The following NAV3 variants were observed in gnomAD, a reference collection of about 807,000 sequenced individuals.
NAV3 encodes neuron navigator 3, also known as pore membrane and/or filament interacting like protein 1.
Under a neutral mutation model 244.7 loss-of-function variants are expected in NAV3, and 87 were observed. The ratio of observed to expected loss-of-function variants is 0.36; its 90% CI spans 0.30 to 0.42. The LOEUF is 0.42. Ranked by LOEUF, NAV3 falls within the 20% of genes least tolerant of loss-of-function variation. The pLI, the probability that NAV3 is intolerant of heterozygous loss-of-function variation, is 1.00. For missense variants in NAV3, 2,663 were observed against 2,893.3 expected (o/e 0.92, Z 1.83); for synonymous variants, 1,126 against 1,042.2 (o/e 1.08, Z -1.55).
At chr12:77,643,992 T>A (rs1212545083) in intron 2 of NAV3, among the ~76,000 whole-genome samples, 1 of 152,124 alleles carries the variant, frequency 6.6e-6, no homozygotes, top group Non-Finnish European at 1.5e-5. Context: ...TAATTTATCT[T>A]TAAGTTAATT....
chr12:77,742,102 T>C (rs1349874775), intron 2 of NAV3, among the ~76,000 whole-genome samples: 3 of 152,136 alleles, frequency 2.0e-5, no homozygotes, highest in Non-Finnish European at 4.4e-5. Context: ...TCTTCACTAG[T>C]ATACCTAAAA....
intron 2 of NAV3, among the ~76,000 whole-genome samples, chr12:77,610,609 T>G (rs1415847141): frequency 6.6e-6 from 1 of 152,098 alleles, no homozygotes; most frequent in East Asian, 1.9e-4. Flanking sequence ...GCTGTAATTC[T>G]GTGGTTAAGA....
intron 2 of NAV3, among the ~76,000 whole-genome samples, chr12:77,716,714 T>C (rs2137275063): frequency 6.6e-6 from 1 of 152,144 alleles, no homozygotes; most frequent in East Asian, 1.9e-4. Context: ...GATAGTATTC[T>C]AGGTGTTAGA....
At chr12:77,872,919 C>A (rs982025631) in intron 1 of NAV3, among the ~76,000 whole-genome samples, 5 of 152,158 alleles carry the variant, frequency 3.3e-5, no homozygotes, top group Non-Finnish European at 7.3e-5. Flanking sequence ...TGTGTCCCCA[C>A]CCAAATCTCA....
intron 6 of NAV3, among the ~76,000 whole-genome samples, 154 bp downstream of exon 6, chr12:77,995,025 G>A (rs1448938554): frequency 6.6e-6 from 1 of 151,844 alleles, no homozygotes; most frequent in Non-Finnish European, 1.5e-5. Flanking sequence ...CATAGCCTCA[G>A]GGATGAGCAT....
At position 77,892,115 on chromosome 12, in the gene NAV3, C is replaced by G. The variant is rs536823987; in HGVS notation, c.244-48204C>G. 2.6e-5 allele frequency among the ~76,000 whole-genome samples: 4 copies of G among 152,258 alleles called. No homozygotes were observed. In the South Asian group the frequency reaches 6.2e-4, roughly 24 times the overall value. ...TATTGAAAAGATACTCACAGGTAAT[C>G]TGTGGAAATAATTCAAACTGACATT... On this transcript the variant is annotated intron_variant, in intron 1 of 39. Coordinates refer to ENST00000397909, the MANE Select transcript of NAV3 (RefSeq NM_001024383.2).
chr12:77,971,492 TC>T (rs1744383607), intron 5 of NAV3, among the ~76,000 whole-genome samples: 1 of 152,092 alleles, frequency 6.6e-6, no homozygotes, highest in African/African-American at 2.4e-5. Flanking sequence ...ATTTAGTGTA[TC>T]ACATTAATAT....
intron 2 of NAV3, among the ~76,000 whole-genome samples, chr12:77,683,193 T>C (rs570510090): frequency 6.6e-6 from 1 of 152,266 alleles, no homozygotes; most frequent in South Asian, 2.1e-4. Flanking sequence ...TATTTTTGTA[T>C]GGTATAAGGT....
At chr12:77,653,963 T>C (rs553923518) in intron 2 of NAV3, among the ~76,000 whole-genome samples, 7 of 49,866 alleles carry the variant, frequency 1.4e-4, no homozygotes, top group Non-Finnish European at 3.0e-4. Flanking sequence ...TATGAGATAG[T>C]TGGGGGAGGA....
At chr12:77,994,653 A>G (rs1039105477) in intron 5 of NAV3, 150 bp from the exon 6 acceptor site, 1 of 573,002 alleles carries the variant, frequency 1.7e-6, no homozygotes, top group East Asian at 2.9e-5. Context: ...ATACAACATT[A>G]CCATAATTTT....
At chr12:78,048,300 T>C (rs1490939428) in intron 9 of NAV3, among the ~76,000 whole-genome samples, 1 of 152,100 alleles carries the variant, frequency 6.6e-6, no homozygotes, top group African/African-American at 2.4e-5. Context: ...GGCATTCTGG[T>C]TTTTGGAATT....
chr12:77,572,604 G>A (rs1430039871), intron 2 of NAV3, among the ~76,000 whole-genome samples: 1 of 152,166 alleles, frequency 6.6e-6, no homozygotes, highest in Non-Finnish European at 1.5e-5. Context: ...TGGAGTAATG[G>A]AGCAGGCTAG....
At chr12:77,885,052 A>G (rs1883116811) in intron 1 of NAV3, among the ~76,000 whole-genome samples, 1 of 152,124 alleles carries the variant, frequency 6.6e-6, no homozygotes, top group Admixed American at 6.6e-5. Flanking sequence ...CATGGAACAC[A>G]ACATCTATCA....
intron 2 of NAV3, among the ~76,000 whole-genome samples, chr12:77,620,549 A>C (rs1009759580): frequency 3.3e-5 from 5 of 151,260 alleles, no homozygotes; most frequent in African/African-American, 1.2e-4. Context: ...TGCAATCTCC[A>C]CCTCCTTATT....
In NAV3 at chr12:78,119,861, C is replaced by A. The variant is rs2138636782; in HGVS notation, c.3665C>A (p.Pro1222His). The A allele has an allele frequency of 6.2e-7, 1 of 1,614,130 alleles. No individual in the cohort carries two copies. The highest frequency in any genetic ancestry group is 1.1e-5 in the South Asian group (1 of 91,080). The change falls in exon 15 of 40, where the codon CCC becomes CAC. Residue 1222 changes from proline (P) to histidine (H), a missense_variant. Pro to His is a moderately conservative substitution (Grantham distance 77). Transcript: ENST00000397909. The stretch of plus-strand genomic sequence containing the variant: ...TTGTCAGGTTCCCCCAAATCCAGCC[C>A]CACCTCTGCCAGCGCCTGTGGTGCA... ...VSLSGSPKSS[P>H]TSASACGAQG... is the part of the protein sequence containing the mutation.
intron 1 of NAV3, among the ~76,000 whole-genome samples, chr12:77,835,120 G>A (rs942433695): frequency 1.3e-5 from 2 of 152,112 alleles, no homozygotes; most frequent in Non-Finnish European, 2.9e-5. Flanking sequence ...TGCCATCATC[G>A]ATTTGTGGCT....
At chr12:77,662,271 C>T (rs1455928848) in intron 2 of NAV3, among the ~76,000 whole-genome samples, 1 of 133,284 alleles carries the variant, frequency 7.5e-6, no homozygotes, top group African/African-American at 2.8e-5. Flanking sequence ...CTATATCTCA[C>T]CTTATTTTAG....
intron 12 of NAV3, among the ~76,000 whole-genome samples, chr12:78,100,454 C>T (rs1954483147): frequency 6.6e-6 from 1 of 151,818 alleles, no homozygotes; most frequent in South Asian, 2.1e-4. Flanking sequence ...TTCCAATCAA[C>T]AGCAAATCCT....
chr12:77,862,288 T>A (rs765490273), intron 1 of NAV3, among the ~76,000 whole-genome samples: 1 of 151,840 alleles, frequency 6.6e-6, no homozygotes, highest in African/African-American at 2.4e-5. Flanking sequence ...ATCAGCTAAT[T>A]CAAGGGAAGT....
Sources: allele counts gnomAD v4.1 joint callset (sites outside exome capture counted in the v4.1 genomes callset), GRCh38; gene constraint gnomAD v4.1.1; transcripts MANE v1.5; gene names NCBI Gene and HGNC (gene_info 2026-07-23, HGNC 2026-07-21).